The following RSPO4 variants were observed in gnomAD, a reference collection of about 807,000 sequenced individuals.
RSPO4 encodes R-spondin-4.
RSPO4 carries 23 observed loss-of-function variants against 24.8 expected under a neutral mutation model. The ratio of observed to expected loss-of-function variants is 0.93; its 90% confidence interval spans 0.67 to 1.31. The LOEUF is 1.31. Among genes scored for constraint, RSPO4 ranks in the 40% most tolerant of loss-of-function variants. RSPO4 has a pLI of 0.00. For missense variants in RSPO4, 333 were observed against 316.5 expected, an observed-to-expected ratio of 1.05 and a Z score of -0.39; for synonymous variants, 141 against 127.4, an observed-to-expected ratio of 1.11 and a Z score of -0.72.
intron 1 of RSPO4, 130 bp downstream of exon 1, chr20:1,001,956 T>G: frequency 1.4e-6 from 1 of 721,382 alleles, no homozygotes; most frequent in South Asian, 1.6e-5. Flanking sequence ...TTGAGACTCG[T>G]CTGGAGGAGC....
intron 1 of RSPO4, among the ~76,000 whole-genome samples, chr20:982,861 C>T (rs767407844): frequency 1.8e-4 from 27 of 152,232 alleles, no homozygotes; most frequent in African/African-American, 4.8e-4. Flanking sequence ...AGAGGCCTCT[C>T]GTGGCTCTTT....
At position 959,024 on chromosome 20, in the gene RSPO4, AG is replaced by A. The variant is rs1875217029; in HGVS notation, c.*1332del. The A allele has an allele frequency of 1.3e-5, 2 of 152,172 alleles. No homozygotes were observed. Among genetic ancestry groups the A allele is most frequent in the South Asian group, 4.1e-4 (2 of 4,828 alleles). 9.4% of individuals were successfully genotyped at this position (152,172 alleles called of 1,614,324 possible). On this transcript the variant is annotated 3_prime_UTR_variant, in exon 5 of 5. Transcript: ENST00000217260. Reference sequence around the variant, plus strand: ...ACTCCTCCCAGCGTCGTTCCTGCCTAGGGCGAGGGGCGTCACAGCGAAGCAC... The same window carrying A: ...ACTCCTCCCAGCGTCGTTCCTGCCTAGGCGAGGGGCGTCACAGCGAAGCAC...
chr20:978,392 T>C (rs145465878), intron 1 of RSPO4, among the ~76,000 whole-genome samples: 7 of 152,320 alleles, frequency 4.6e-5, no homozygotes, highest in African/African-American at 1.7e-4. Flanking sequence ...CATTACTACT[T>C]GATTCATGAG....
Position 990,974 on chromosome 20 carries a change from G to A in RSPO4, c.79+11112C>T, listed in dbSNP as rs562056070. On this transcript the variant is annotated intron_variant, in intron 1 of 4. Coordinates refer to ENST00000217260, the MANE Select transcript of RSPO4 (RefSeq NM_001029871.4). ...TGGACAGAGGAGCATTGTCGCAACT[G>A]AGCGTCCCACTAGCGTCCTCAGGAA... Among the ~76,000 whole-genome samples, 41 of 152,346 alleles carry A rather than the reference G, an allele frequency of 2.7e-4. 1 individual carries two copies. In the South Asian group the frequency reaches 6.4e-3, roughly 24 times the overall value.
intron 1 of RSPO4, among the ~76,000 whole-genome samples, chr20:992,033 G>GGACA (rs140268534): frequency 1.6e-4 from 11 of 69,264 alleles, no homozygotes; most frequent in African/African-American, 4.2e-4. Context: ...GAGTGAGAGG[G>GGACA]GACGAGGAAG....
intron 1 of RSPO4, among the ~76,000 whole-genome samples, chr20:979,772 G>T (rs953147664): frequency 2.0e-5 from 3 of 152,150 alleles, no homozygotes; most frequent in African/African-American, 7.2e-5. Context: ...TGCATTTGGG[G>T]TCGCTTTATG....
intron 4 of RSPO4, 101 bp downstream of exon 4, chr20:963,834 A>G (rs1984083939): frequency 8.1e-7 from 1 of 1,227,138 alleles, no homozygotes; most frequent in East Asian, 2.3e-5. Flanking sequence ...GTGGCCTTTC[A>G]GGCAGTCTCA....
rs1204931296 is a variant in RSPO4, at chr20:970,071, C to T, written c.80-1933G>A. Among the ~76,000 whole-genome samples, 1 of 152,118 alleles carries T rather than the reference C, an allele frequency of 6.6e-6. No individual in the cohort carries two copies. Among genetic ancestry groups the T allele is most frequent in the Non-Finnish European group, 1.5e-5 (1 of 68,018 alleles). ...TGGCACCTTCCCCCTGGAACAGAAA[C>T]CAAAAGAGTTCTGGCCCTCCTTTAA... On this transcript the variant is annotated intron_variant, in intron 1 of 4. Coordinates refer to ENST00000217260, the MANE Select transcript of RSPO4 (RefSeq NM_001029871.4). The surrounding 1 kb of genome is among the most constrained non-coding windows in gnomAD (Gnocchi z 4.1).
chr20:988,214 G>C (rs1461493850), intron 1 of RSPO4, among the ~76,000 whole-genome samples: 1 of 152,240 alleles, frequency 6.6e-6, no homozygotes, highest in Non-Finnish European at 1.5e-5. Context: ...AGACCCCCAG[G>C]ACACATGGAT....
chr20:998,438 C>A (rs896449496), intron 1 of RSPO4, among the ~76,000 whole-genome samples: 58 of 152,226 alleles, frequency 3.8e-4, no homozygotes, highest in Non-Finnish European at 1.5e-4. Flanking sequence ...TTGTAAGAGA[C>A]ACTTGAGATC....
chr20:960,066 A>G lies in RSPO4; in HGVS notation c.*291T>C. The G allele has an allele frequency of 4.1e-6, 2 of 493,322 alleles. No homozygotes were observed. The highest frequency in any genetic ancestry group is 3.6e-5 in the East Asian group (1 of 27,622). The allele number at this position is 493,322 out of a possible 1,614,324, so 30.6% of individuals were successfully genotyped here. On this transcript the variant is annotated 3_prime_UTR_variant, in exon 5 of 5. Coordinates refer to ENST00000217260, the MANE Select transcript of RSPO4 (RefSeq NM_001029871.4). The stretch of plus-strand genomic sequence containing the variant: ...AGAGAAGGATGCGGTGAAGGACAGG[A>G]AGAAACACAGGAAGAAAGAAAAGGA...
chr20:966,931 G>T (rs1984221749), intron 3 of RSPO4, among the ~76,000 whole-genome samples: 1 of 152,194 alleles, frequency 6.6e-6, no homozygotes, highest in Non-Finnish European at 1.5e-5. Flanking sequence ...TGATTCCCTT[G>T]GCATTAATAA....
rs1311803399 is a variant in RSPO4 at position 964,797 on chromosome 20, T to TAC, written c.410-679_410-678dup. Among the ~76,000 whole-genome samples the TAC allele has an allele frequency of 3.6e-3, 368 of 101,076 alleles. 3 individuals carry two copies. The highest frequency in any genetic ancestry group is 0.03 in the Middle Eastern group (5 of 168). 66.3% of individuals were successfully genotyped at this position (101,076 alleles called of 152,430 possible). On this transcript the variant is annotated intron_variant, in intron 3 of 4. Coordinates refer to ENST00000217260, the MANE Select transcript of RSPO4 (RefSeq NM_001029871.4). ...ACACACATATATATATACACATATA[T>TAC]ACACACATACACACACACACACACA...
In RSPO4 at chr20:960,486, C is replaced by T. The variant is rs950620900; in HGVS notation, c.596-20G>A. 6 of 1,523,896 alleles carry T rather than the reference C, an allele frequency of 3.9e-6. No individual in the cohort carries two copies. Among genetic ancestry groups the T allele is most frequent in the East Asian group, 2.4e-5 (1 of 40,838 alleles). The allele number at this position is 1,523,896 out of a possible 1,614,324, so 94.4% of individuals were successfully genotyped here. A position where few individuals can be genotyped will look rare whatever the true frequency, so the allele number is the denominator to read the frequency against. ...TCCTCTCTGCAATGAGAGGACAGAG[C>T]CCGGTGACCAAGGCTGCAGGGCCAG... On this transcript the variant is annotated intron_variant, in intron 4 of 4. Transcript: ENST00000217260.
intron 4 of RSPO4, among the ~76,000 whole-genome samples, chr20:960,800 T>A (rs1051812244): frequency 6.6e-6 from 1 of 152,202 alleles, no homozygotes; most frequent in Non-Finnish European, 1.5e-5. Flanking sequence ...GGAGTCCCCA[T>A]GGCTTTCCCC....
intron 1 of RSPO4, among the ~76,000 whole-genome samples, chr20:988,853 A>C (rs1237862602): frequency 6.6e-6 from 1 of 152,118 alleles, no homozygotes; most frequent in Non-Finnish European, 1.5e-5. Flanking sequence ...GCCCAGCCAG[A>C]TCTCAGCTTT....
In RSPO4 at chr20:977,802, G is replaced by A. The variant is rs572165772; in HGVS notation, c.80-9664C>T. ...CTGAGGTCCCTGCTCTGTCCTTGGG[G>A]AGGACCCAGAACCATGCAGGAGGGC... On this transcript the variant is annotated intron_variant, in intron 1 of 4. Transcript: ENST00000217260. Among the ~76,000 whole-genome samples, 245 of 152,292 alleles carry A rather than the reference G, an allele frequency of 1.6e-3. 1 individual carries two copies. The highest frequency in any genetic ancestry group is 5.8e-3 in the African/African-American group (241 of 41,566).
At chr20:997,358 A>G (rs1985328175) in intron 1 of RSPO4, among the ~76,000 whole-genome samples, 1 of 152,220 alleles carries the variant, frequency 6.6e-6, no homozygotes, top group African/African-American at 2.4e-5. Context: ...TTGGCTTCAG[A>G]ACGCTGAGTG....
intron 1 of RSPO4, among the ~76,000 whole-genome samples, chr20:992,266 T>TC (rs1156401375): frequency 7.1e-6 from 1 of 141,844 alleles, no homozygotes; most frequent in Admixed American, 6.8e-5. Context: ...CCACTTTCTT[T>TC]TTTTTTTTTT....
Sources: gnomAD v4.1 joint callset for allele counts (sites outside exome capture counted in the v4.1 genomes callset) on GRCh38, gnomAD v4.1.1 for gene constraint, Gnocchi (gnomAD v3.1) non-coding constraint, MANE v1.5 for transcripts, NCBI Gene and HGNC (gene_info 2026-07-23, HGNC 2026-07-21) for gene names.